The following TMEM237 variants were observed in gnomAD, a reference collection of about 807,000 sequenced individuals.
The protein encoded by TMEM237 is amyotrophic lateral sclerosis 2 (juvenile) chromosome region, candidate 4.
TMEM237 carries 51 observed loss-of-function variants against 59.1 expected under a neutral mutation model. The ratio of observed to expected loss-of-function variants is 0.86; its 90% CI spans 0.69 to 1.09. TMEM237 has a LOEUF of 1.09. Among genes scored for constraint, TMEM237 ranks in the 50% least tolerant of loss-of-function variants. The pLI is 0.00. For synonymous variants in TMEM237, 140 were observed against 166.1 expected, an observed-to-expected ratio of 0.84 and a Z score of 1.21; for missense variants, 475 against 478.3, an observed-to-expected ratio of 0.99 and a Z score of 0.06.
At chr2:201,642,375 G>A (rs1008320696) in intron 1 of TMEM237, among the ~76,000 whole-genome samples, 1 of 152,160 alleles carries the variant, frequency 6.6e-6, no homozygotes, top group Admixed American at 6.5e-5. Context: ...ATACCATCCA[G>A]TAGTCAAAAT....
rs1957776213 is a variant in TMEM237 at position 201,628,156 on chromosome 2, A to G, written c.870-7T>C. The G allele has an allele frequency of 6.3e-7, 1 of 1,591,592 alleles. No individual in the cohort carries two copies. The highest frequency in any genetic ancestry group is 1.4e-5 in the African/African-American group (1 of 73,630). On this transcript the variant is annotated splice_polypyrimidine_tract_variant and splice_region_variant and intron_variant, in intron 9 of 12. Coordinates refer to ENST00000409883, the MANE Select transcript of TMEM237 (RefSeq NM_001044385.3). ...TATTTTAGCAAAGTCAATCCTAGAAAATATAAAAGTTTCTTGTCACAGCGC... is the reference window on the plus strand; with the variant it reads ...TATTTTAGCAAAGTCAATCCTAGAAGATATAAAAGTTTCTTGTCACAGCGC...
At chr2:201,631,921 T>C (rs930302177) in intron 7 of TMEM237, 130 bp downstream of exon 7, 1 of 923,528 alleles carries the variant, frequency 1.1e-6, no homozygotes, top group Admixed American at 2.5e-5. Flanking sequence ...CATAGCATGA[T>C]GACCAGTTTT....
At chr2:201,639,132 G>C (rs999461671) in intron 3 of TMEM237, 87 bp from the exon 4 acceptor site, 2 of 1,227,910 alleles carry the variant, frequency 1.6e-6, no homozygotes, top group Non-Finnish European at 2.3e-6. Flanking sequence ...AAACAGGGAA[G>C]AATTCTCCCT....
At chr2:201,638,157 T>C (rs542204550) in intron 4 of TMEM237, among the ~76,000 whole-genome samples, 2 of 152,338 alleles carry the variant, frequency 1.3e-5, no homozygotes, top group African/African-American at 4.8e-5. Flanking sequence ...TACATTCTTA[T>C]CATGTAATAC....
intron 12 of TMEM237, among the ~76,000 whole-genome samples, chr2:201,625,101 C>T (rs778711636): frequency 3.3e-5 from 5 of 152,176 alleles, no homozygotes; most frequent in Admixed American, 1.3e-4. Context: ...CGGTGGCTCA[C>T]GCCTTAATCC....
rs1208080 is a variant in TMEM237 at position 201,637,616 on chromosome 2, C to A, written c.137-731G>T. Among the ~76,000 whole-genome samples the A allele has an allele frequency of 4.6e-5, 7 of 151,786 alleles. No individual in the cohort carries two copies. In the East Asian group the frequency reaches 1.4e-3, roughly 30 times the overall value. ...AAAATTAGCCGGGTGTAGTGGCATGCGCCTGTAGTCCCAGCTACTCAAGGA... is the reference window on the plus strand; with the variant it reads ...AAAATTAGCCGGGTGTAGTGGCATGAGCCTGTAGTCCCAGCTACTCAAGGA... On this transcript the variant is annotated intron_variant, in intron 4 of 12. Coordinates refer to ENST00000409883, the MANE Select transcript of TMEM237 (RefSeq NM_001044385.3).
At chr2:201,639,724 A>G (rs1231635413) in intron 3 of TMEM237, among the ~76,000 whole-genome samples, 4 of 151,436 alleles carry the variant, frequency 2.6e-5, no homozygotes, top group Non-Finnish European at 4.4e-5. Context: ...TGAACCCAGG[A>G]GGCAGAGATT....
chr2:201,632,036 A>G lies in TMEM237; in HGVS notation c.553+15T>C. 1 of 1,613,028 alleles carries G rather than the reference A, an allele frequency of 6.2e-7. No individual in the cohort carries two copies. Among genetic ancestry groups the G allele is most frequent in the Non-Finnish European group, 8.5e-7 (1 of 1,179,338 alleles). On this transcript the variant is annotated intron_variant, in intron 7 of 12. Coordinates refer to ENST00000409883, the MANE Select transcript of TMEM237 (RefSeq NM_001044385.3). ...TTTTAAAGAGTTCATATTCTAAAAC[A>G]AGGCATCTACTTACGGCTTTTTTCC...
Position 201,629,725 on chromosome 2 carries a change from C to G in TMEM237, c.677+4G>C, listed in dbSNP as rs781042567. The G allele has an allele frequency of 6.9e-6, 11 of 1,587,636 alleles. No homozygotes were observed. Among genetic ancestry groups the G allele is most frequent in the Non-Finnish European group, 9.4e-6 (11 of 1,173,752 alleles). On this transcript the variant is annotated splice_donor_region_variant and intron_variant, in intron 8 of 12. Transcript: ENST00000409883. ...TTTAAGAAAAGTCCAACAAAAGCAG[C>G]CACCTGAAAGCCCGGTGCACTGTAA...
chr2:201,643,292 AC>A lies in TMEM237; in HGVS notation c.42+66del. 1 of 851,142 alleles carries A rather than the reference AC, an allele frequency of 1.2e-6. No individual in the cohort carries two copies. The highest frequency in any genetic ancestry group is 1.7e-6 in the Non-Finnish European group (1 of 573,924). 52.7% of individuals were successfully genotyped at this position (851,142 alleles called of 1,614,324 possible). A position where few individuals can be genotyped will look rare whatever the true frequency, so the allele number is the denominator to read the frequency against. The stretch of plus-strand genomic sequence containing the variant: ...CGTTGGCGCCCCCCCACACACACCC[AC>A]CCCCACTGCCAAGTGTAGCTGTTTA... On this transcript the variant is annotated intron_variant, in intron 1 of 12. Transcript: ENST00000409883. The surrounding 1 kb of genome is among the most constrained non-coding windows in gnomAD (Gnocchi z 4.3).
chr2:201,627,403 C>T lies in TMEM237; in HGVS notation c.955G>A (p.Ala319Thr), dbSNP rs1275328211. The change falls in exon 11 of 13, where the codon GCT becomes ACT. Residue 319 changes from alanine (A) to threonine (T), a missense_variant. By Grantham distance (58) the Ala-to-Thr change is moderately conservative. Coordinates refer to ENST00000409883, the MANE Select transcript of TMEM237 (RefSeq NM_001044385.3). ...TGCTGACTCAGAGATAGTATAAGAG[C>T]AGTAAAGTACACTGAGAAAAAGACA... ...TALASFLYFT[A>T]LILSLSQQMT... 1.9e-6 allele frequency: 3 copies of T among 1,592,818 alleles called. No individual in the cohort carries two copies. The highest frequency in any genetic ancestry group is 2.3e-5 in the South Asian group (2 of 87,062).
chr2:201,641,204 C>A (rs1687409463), intron 1 of TMEM237, among the ~76,000 whole-genome samples: 1 of 152,164 alleles, frequency 6.6e-6, no homozygotes, highest in South Asian at 2.1e-4. Flanking sequence ...GTTGGCCAGG[C>A]TGGTCTTGAA....
intron 10 of TMEM237, 87 bp downstream of exon 10, chr2:201,627,989 C>G: frequency 1.0e-6 from 1 of 997,730 alleles, no homozygotes. Flanking sequence ...AGTAATACAA[C>G]TTTTAAAAAA....
intron 11 of TMEM237, 35 bp downstream of exon 11, chr2:201,627,286 C>T (rs1957768004): frequency 1.4e-6 from 2 of 1,460,624 alleles, no homozygotes; most frequent in Non-Finnish European, 1.9e-6. Flanking sequence ...CTGTTATTGC[C>T]ATTAACAATT....
intron 10 of TMEM237, 132 bp downstream of exon 10, chr2:201,627,944 T>A: frequency 1.9e-6 from 1 of 533,176 alleles, no homozygotes; most frequent in Non-Finnish European, 3.3e-6. Flanking sequence ...AATTACAAAT[T>A]CACTGAACAT....
chr2:201,630,470 A>G (rs931268550), intron 7 of TMEM237, among the ~76,000 whole-genome samples: 6 of 152,170 alleles, frequency 3.9e-5, no homozygotes, highest in African/African-American at 1.4e-4. Context: ...TATATCTAGT[A>G]ATCCACAAAT....
intron 3 of TMEM237, among the ~76,000 whole-genome samples, chr2:201,639,744 C>T (rs1318180415): frequency 1.3e-5 from 2 of 151,420 alleles, no homozygotes; most frequent in Non-Finnish European, 2.9e-5. Context: ...TGCAGTGAGC[C>T]GAGATCACAC....
chr2:201,638,997 T>G lies in TMEM237; in HGVS notation c.128A>C (p.Asn43Thr). Reference sequence around the variant, plus strand: ...AAAGAATAACGTCTTACCTGGTGTGTTTTTTGTTCTGGGCTTCTTTTTCTT... The same window carrying G: ...AAAGAATAACGTCTTACCTGGTGTGGTTTTTGTTCTGGGCTTCTTTTTCTT... Reference protein sequence around the residue: ...RPKKKKPRTKNTPASASLEGL... With the variant: ...RPKKKKPRTKTTPASASLEGL... Residue 43 changes from asparagine to threonine, a missense_variant, in exon 4 of 13, where the codon AAC (asparagine) becomes ACC (threonine). By Grantham distance (65) the Asn-to-Thr change is moderately conservative. Coordinates refer to ENST00000409883, the MANE Select transcript of TMEM237 (RefSeq NM_001044385.3). The G allele has an allele frequency of 6.3e-7, 1 of 1,583,320 alleles. No homozygotes were observed.
intron 6 of TMEM237, among the ~76,000 whole-genome samples, chr2:201,632,999 T>A (rs1246194100): frequency 2.0e-5 from 3 of 152,218 alleles, no homozygotes; most frequent in Admixed American, 6.5e-5. Flanking sequence ...TATTTCATTA[T>A]CTTTAATTTT....
Sources: gnomAD v4.1 joint callset for allele counts (sites outside exome capture counted in the v4.1 genomes callset) on GRCh38, gnomAD v4.1.1 for gene constraint, Gnocchi (gnomAD v3.1) non-coding constraint, MANE v1.5 for transcripts, NCBI Gene and HGNC (gene_info 2026-07-23, HGNC 2026-07-21) for gene names.